Variants in EGFLAM observed in about 807,000 individuals in gnomAD.
EGFLAM encodes pikachurin.
In EGFLAM, 79 loss-of-function variants were observed where a neutral mutation model predicts 113.1. The observed-to-expected ratio is 0.70, with a 90% confidence interval of 0.58 to 0.84. The LOEUF is 0.84. Among genes scored for constraint, EGFLAM ranks in the 40% least tolerant of loss-of-function variants. The pLI is 0.00. For synonymous variants in EGFLAM, 504 were observed against 487.6 expected (o/e 1.03, Z -0.44); for missense variants, 1,265 against 1,291.6 (o/e 0.98, Z 0.32).
At chr5:38,329,481 C>T (rs1429028985) in intron 1 of EGFLAM, among the ~76,000 whole-genome samples, 1 of 152,128 alleles carries the variant, frequency 6.6e-6, no homozygotes, top group Non-Finnish European at 1.5e-5. Context: ...GCAACCACAC[C>T]TCCAACTTCG....
chr5:38,428,685 CACTGCCTCTCTGCAG>C (rs1742092905), intron 14 of EGFLAM, among the ~76,000 whole-genome samples: 1 of 152,234 alleles, frequency 6.6e-6, no homozygotes, highest in African/African-American at 2.4e-5. Context: ...ACCCCCTCCA[CACTGCCTCTCTGCAG>C]TGGCAGCTCC....
At chr5:38,441,631 CGT>C (rs1742538167) in intron 17 of EGFLAM, among the ~76,000 whole-genome samples, 1 of 151,922 alleles carries the variant, frequency 6.6e-6, no homozygotes, top group African/African-American at 2.4e-5. Context: ...CACGCATTCA[CGT>C]ACACGAAATG....
chr5:38,422,360 T>C (rs923935317), intron 12 of EGFLAM, among the ~76,000 whole-genome samples: 2 of 152,114 alleles, frequency 1.3e-5, no homozygotes, highest in Non-Finnish European at 2.9e-5. Context: ...AATGAACCTA[T>C]TCAGCTACAC....
At chr5:38,262,112 T>C (rs1206619571) in intron 1 of EGFLAM, among the ~76,000 whole-genome samples, 6 of 152,216 alleles carry the variant, frequency 3.9e-5, no homozygotes, top group Non-Finnish European at 5.9e-5. Context: ...TTGCCCCAGT[T>C]AACATCAGAA....
At chr5:38,420,471 G>A (rs1741786974) in intron 12 of EGFLAM, among the ~76,000 whole-genome samples, 1 of 152,166 alleles carries the variant, frequency 6.6e-6, no homozygotes, top group Non-Finnish European at 1.5e-5. Context: ...GACTCTGAAG[G>A]CAGATTGCCT....
chr5:38,346,353 C>T (rs1394406721), intron 3 of EGFLAM: 2 of 152,064 alleles, frequency 1.3e-5, no homozygotes, highest in African/African-American at 4.8e-5. Flanking sequence ...CATGTACTGG[C>T]CAATTAGAAC....
intron 11 of EGFLAM, among the ~76,000 whole-genome samples, chr5:38,415,362 CAAA>C (rs201173192): frequency 3.1e-5 from 4 of 129,688 alleles, no homozygotes; most frequent in Non-Finnish European, 3.3e-5. Flanking sequence ...GACTCCATCT[CAAA>C]AAAAAAAAAA....
At chr5:38,453,473 A>G (rs1742987080) in intron 19 of EGFLAM, among the ~76,000 whole-genome samples, 1 of 152,168 alleles carries the variant, frequency 6.6e-6, no homozygotes, top group Non-Finnish European at 1.5e-5. Context: ...GTCCAATGTT[A>G]TGCTATTCCC....
At chr5:38,274,360 T>C (rs1757834879) in intron 1 of EGFLAM, among the ~76,000 whole-genome samples, 7 of 152,176 alleles carry the variant, frequency 4.6e-5, no homozygotes, top group Admixed American at 4.6e-4. Flanking sequence ...GCCAAAGGTC[T>C]CTAATCAGAT....
intron 6 of EGFLAM, among the ~76,000 whole-genome samples, chr5:38,395,389 A>G (rs927221253): frequency 6.6e-6 from 1 of 151,988 alleles, no homozygotes; most frequent in Non-Finnish European, 1.5e-5. Context: ...CTGGGACTAC[A>G]AGTGTGAGCT....
At chr5:38,302,609 T>A (rs1758613893) in intron 1 of EGFLAM, among the ~76,000 whole-genome samples, 1 of 151,948 alleles carries the variant, frequency 6.6e-6, no homozygotes, top group African/African-American at 2.4e-5. Flanking sequence ...ATTTCTTGGG[T>A]TCATTTTCCC....
chr5:38,272,415 G>A (rs1757785791), intron 1 of EGFLAM, among the ~76,000 whole-genome samples: 1 of 152,184 alleles, frequency 6.6e-6, no homozygotes, highest in Admixed American at 6.5e-5. Context: ...TGTGGGAATG[G>A]CATCGGAGGT....
chr5:38,264,786 C>T (rs182176121), intron 1 of EGFLAM, among the ~76,000 whole-genome samples: 8 of 152,308 alleles, frequency 5.3e-5, no homozygotes, highest in African/African-American at 1.2e-4. Context: ...ATCTTTAGCT[C>T]ACAAAAGCCG....
At chr5:38,463,086 G>A in intron 21 of EGFLAM, 75 bp downstream of exon 21, 2 of 1,439,592 alleles carry the variant, frequency 1.4e-6, no homozygotes, top group East Asian at 2.3e-5. Flanking sequence ...GCTGTGCCGA[G>A]GCTATGTACT....
intron 13 of EGFLAM, among the ~76,000 whole-genome samples, chr5:38,426,314 C>T (rs946273651): frequency 1.3e-5 from 2 of 151,870 alleles, no homozygotes; most frequent in Non-Finnish European, 2.9e-5. Context: ...CTCACACAGG[C>T]AAATAATAAC....
chr5:38,461,042 A>C (rs1396562976), intron 20 of EGFLAM: 2 of 152,264 alleles, frequency 1.3e-5, no homozygotes, highest in Admixed American at 6.5e-5. Context: ...AAAAATGATA[A>C]TGATATTGAT....
chr5:38,340,333 T>G (rs1561284834), intron 3 of EGFLAM, among the ~76,000 whole-genome samples: 1 of 152,216 alleles, frequency 6.6e-6, no homozygotes. Flanking sequence ...CTTGTGAGGA[T>G]CAAATAAAAG....
intron 1 of EGFLAM, among the ~76,000 whole-genome samples, chr5:38,270,376 G>A (rs1757738031): frequency 6.6e-6 from 1 of 152,026 alleles, no homozygotes; most frequent in Admixed American, 6.5e-5. Flanking sequence ...GACCTTCAAT[G>A]TGGCATATTT....
intron 1 of EGFLAM, among the ~76,000 whole-genome samples, chr5:38,305,980 G>T (rs1758708306): frequency 6.6e-6 from 1 of 152,160 alleles, no homozygotes; most frequent in Non-Finnish European, 1.5e-5. Context: ...ATTCAGTGGG[G>T]ATGATGGGAT....
Sources: allele counts gnomAD v4.1 joint callset (sites outside exome capture counted in the v4.1 genomes callset), GRCh38; gene constraint gnomAD v4.1.1; transcripts MANE v1.5; gene names NCBI Gene and HGNC (gene_info 2026-07-23, HGNC 2026-07-21).